SH3PXD2B: variants seen among roughly 807,000 people sequenced by gnomAD.
SH3PXD2B encodes SH3 and PX domains 2B, also known as SH3 and PX domain-containing protein 2B.
Under a neutral mutation model 73.1 loss-of-function variants are expected in SH3PXD2B, and 37 were observed. The ratio of observed to expected loss-of-function variants is 0.51; its 90% CI spans 0.39 to 0.67. SH3PXD2B has a LOEUF of 0.67. Among genes scored for constraint, SH3PXD2B ranks in the 30% least tolerant of loss-of-function variants. SH3PXD2B has a pLI of 0.00. For synonymous variants in SH3PXD2B, 457 were observed against 480.5 expected, an observed-to-expected ratio of 0.95 and a Z score of 0.64; for missense variants, 1,053 against 1,197.8, an observed-to-expected ratio of 0.88 and a Z score of 1.78.
At chr5:172,450,596 G>A (rs1253256207) in intron 1 of SH3PXD2B, among the ~76,000 whole-genome samples, 2 of 151,996 alleles carry the variant, frequency 1.3e-5, no homozygotes, top group Non-Finnish European at 2.9e-5. Context: ...TAAATATTCC[G>A]ACCATCCTGC....
chr5:172,451,073 C>T (rs1292653017), intron 1 of SH3PXD2B, among the ~76,000 whole-genome samples: 1 of 152,222 alleles, frequency 6.6e-6, no homozygotes, highest in East Asian at 1.9e-4. Flanking sequence ...GATGTCTCTG[C>T]CTGCGGGTGA....
chr5:172,453,983 G>A (rs968432078), intron 1 of SH3PXD2B, among the ~76,000 whole-genome samples: 3 of 152,038 alleles, frequency 2.0e-5, no homozygotes, highest in East Asian at 1.9e-4. Context: ...AGCAGGACGG[G>A]AGTTGGGGGG....
intron 6 of SH3PXD2B, among the ~76,000 whole-genome samples, chr5:172,364,085 C>T (rs768228162): frequency 5.3e-5 from 8 of 152,022 alleles, no homozygotes; most frequent in South Asian, 2.1e-4. Context: ...TCCTGGGAGT[C>T]GTGTGGCCCT....
chr5:172,329,083 A>ATATTTTTTTTT (rs58472514), downstream of SH3PXD2B, among the ~76,000 whole-genome samples: 84 of 61,780 alleles, frequency 1.4e-3, no homozygotes, highest in Non-Finnish European at 1.8e-3. Flanking sequence ...ATATATATAT[A>ATATTTTTTTTT]TTTTTTTTTT....
At chr5:172,329,284 A>G (rs1208220341), downstream of SH3PXD2B, among the ~76,000 whole-genome samples, 1 of 150,132 alleles carries the variant, frequency 6.7e-6, no homozygotes, top group African/African-American at 2.4e-5. Flanking sequence ...AGGTTTCACC[A>G]TGTTGGTCAG....
At chr5:172,348,654 C>CCTATCTATCTAT (rs55939833) in intron 10 of SH3PXD2B, among the ~76,000 whole-genome samples, 116 of 60,444 alleles carry the variant, frequency 1.9e-3, no homozygotes, top group East Asian at 7.9e-3. Flanking sequence ...ATCTATCTAT[C>CCTATCTATCTAT]CTATCTATCT....
intron 12 of SH3PXD2B, among the ~76,000 whole-genome samples, chr5:172,341,466 ACT>A (rs939815693): frequency 4.0e-5 from 6 of 151,224 alleles, no homozygotes; most frequent in African/African-American, 1.5e-4. Flanking sequence ...TCTCCTTGCC[ACT>A]CTCTCTTGCT....
chr5:172,365,458 C>T (rs975523117), intron 6 of SH3PXD2B, among the ~76,000 whole-genome samples: 22 of 152,200 alleles, frequency 1.4e-4, no homozygotes, highest in Admixed American at 1.0e-3. Context: ...GATAAGATGA[C>T]GGAGGAAGAA....
At chr5:172,433,073 A>G (rs2569217) in intron 1 of SH3PXD2B, among the ~76,000 whole-genome samples, 70,582 of 151,766 alleles carry the variant, frequency 0.47, 16,574 homozygotes, top group African/African-American at 0.53. Flanking sequence ...ATTATAACAC[A>G]GTATTTTTAC....
intron 1 of SH3PXD2B, among the ~76,000 whole-genome samples, chr5:172,440,889 AG>A (rs1252943373): frequency 6.6e-6 from 1 of 152,060 alleles, no homozygotes; most frequent in Non-Finnish European, 1.5e-5. Context: ...CATCTGTAAA[AG>A]GGGGGTGCTA....
chr5:172,345,010 A>G (rs1452059195), intron 12 of SH3PXD2B, among the ~76,000 whole-genome samples: 1 of 147,036 alleles, frequency 6.8e-6, no homozygotes, highest in African/African-American at 2.6e-5. Context: ...GGAAAGAGAG[A>G]AGGAGGGAAA....
rs1461388468 is a variant in SH3PXD2B, at chr5:172,353,840, G to C, written c.785+48C>G. On this transcript the variant is annotated intron_variant, in intron 9 of 12. Transcript: ENST00000311601. This position sits in a 1 kb window ranked among gnomAD's most constrained non-coding sequence, Gnocchi z 4.3. Reference sequence around the variant, plus strand: ...GTCCCTGTGACCCCAAACCCACCCAGCGTGACCCCAAACCCACCCAGCAAC... The same window carrying C: ...GTCCCTGTGACCCCAAACCCACCCACCGTGACCCCAAACCCACCCAGCAAC... 1 of 1,503,294 alleles carries C rather than the reference G, an allele frequency of 6.7e-7. No homozygotes were observed. Among genetic ancestry groups the C allele is most frequent in the East Asian group, 2.3e-5 (1 of 44,360 alleles). 93.1% of individuals were successfully genotyped at this position (1,503,294 alleles called of 1,614,324 possible). A position where few individuals can be genotyped will look rare whatever the true frequency, so the allele number is the denominator to read the frequency against.
chr5:172,439,247 A>G, intron 1 of SH3PXD2B, among the ~76,000 whole-genome samples: 1 of 87,226 alleles, frequency 1.1e-5, no homozygotes, highest in African/African-American at 5.7e-5. Context: ...AGAAAAAAAA[A>G]AAAGAAAAAA....
chr5:172,329,022 TATAC>T (rs1413477841), downstream of SH3PXD2B, among the ~76,000 whole-genome samples: 1 of 85,338 alleles, frequency 1.2e-5, no homozygotes, highest in African/African-American at 3.9e-5. Flanking sequence ...TATATACATA[TATAC>T]ATATACGTAT....
chr5:172,451,252 G>T (rs1252632521), intron 1 of SH3PXD2B, among the ~76,000 whole-genome samples: 1 of 152,250 alleles, frequency 6.6e-6, no homozygotes, highest in Admixed American at 6.5e-5. Flanking sequence ...GTGATGAGCA[G>T]GTAGTGGCCG....
At chr5:172,394,787 C>T (rs1758259656) in intron 3 of SH3PXD2B, 148 bp from the exon 4 acceptor site, 2 of 768,622 alleles carry the variant, frequency 2.6e-6, no homozygotes, top group Admixed American at 2.0e-5. Flanking sequence ...CACTGGACTT[C>T]CGTGAGGCTT....
At chr5:172,429,713 A>G (rs900688152) in intron 1 of SH3PXD2B, among the ~76,000 whole-genome samples, 2 of 152,216 alleles carry the variant, frequency 1.3e-5, no homozygotes, top group Non-Finnish European at 2.9e-5. Flanking sequence ...TCCCCGAGCC[A>G]GCAGGCCAGG....
Position 172,334,810 on chromosome 5 carries a change from A to T in SH3PXD2B, c.*3559T>A, listed in dbSNP as rs2113235083. The T allele has an allele frequency of 1.0e-6, 1 of 985,440 alleles. No individual in the cohort carries two copies. The highest frequency in any genetic ancestry group is 1.7e-5 in the African/African-American group (1 of 57,350). 61.0% of individuals were successfully genotyped at this position (985,440 alleles called of 1,614,324 possible). ...GTCCTTCTCAAGTCCTGGCACACTC[A>T]GCACTTGCTCTTTAACGTGGCATAT... On this transcript the variant is annotated 3_prime_UTR_variant, in exon 13 of 13. Transcript: ENST00000311601.
intron 12 of SH3PXD2B, 70 bp downstream of exon 12, chr5:172,346,064 CAG>C (rs1421260366): frequency 2.4e-5 from 38 of 1,609,498 alleles, no homozygotes; most frequent in Non-Finnish European, 3.1e-5. Context: ...TAGGAGGTGA[CAG>C]GGGAGAAGTA....
Sources: allele counts gnomAD v4.1 joint callset (sites outside exome capture counted in the v4.1 genomes callset), GRCh38; gene constraint gnomAD v4.1.1; non-coding constraint Gnocchi (gnomAD v3.1); transcripts MANE v1.5; gene names NCBI Gene and HGNC (gene_info 2026-07-23, HGNC 2026-07-21).